Variants in VPS26C observed in about 807,000 individuals in gnomAD.
The protein encoded by VPS26C is VPS26 endosomal protein sorting factor C, also known as vacuolar protein sorting-associated protein 26C.
In VPS26C, 19 loss-of-function variants were observed where a neutral mutation model predicts 30.6. The ratio of observed to expected loss-of-function variants is 0.62; its 90% CI spans 0.43 to 0.91. The LOEUF (loss-of-function observed/expected upper bound fraction) is 0.91, where lower values mean the gene tolerates loss of function less well. Ranked by LOEUF, VPS26C falls within the 40% of genes least tolerant of loss-of-function variation. The pLI, the probability that VPS26C is intolerant of heterozygous loss-of-function variation, is 0.00. For synonymous variants in VPS26C, 132 were observed against 151.5 expected (o/e 0.87, Z 0.95); for missense variants, 318 against 385.1 (o/e 0.83, Z 1.46).
chr21:37,258,034 G>A (rs917695120), intron 1 of VPS26C, among the ~76,000 whole-genome samples: 2 of 152,222 alleles, frequency 1.3e-5, no homozygotes, highest in African/African-American at 4.8e-5. Flanking sequence ...CTCGTGAAGA[G>A]ACTAAGCGGC....
At position 37,257,377 on chromosome 21, in the gene VPS26C, C is replaced by T. The variant is rs2086254370; in HGVS notation, c.57+9861G>A. Among the ~76,000 whole-genome samples the T allele has an allele frequency of 6.6e-6, 1 of 152,180 alleles. No homozygotes were observed. The highest frequency in any genetic ancestry group is 6.5e-5 in the Admixed American group (1 of 15,284). On this transcript the variant is annotated intron_variant, in intron 1 of 7. Transcript: ENST00000309117. This position sits in a 1 kb window ranked among gnomAD's most constrained non-coding sequence, Gnocchi z 4.2. Reference sequence around the variant, plus strand: ...TCCCTGTTCGCAGGTGACGTGTGGACCACGCTCTTCCGAAGCGTCTGGCCT... The same window carrying T: ...TCCCTGTTCGCAGGTGACGTGTGGATCACGCTCTTCCGAAGCGTCTGGCCT...
chr21:37,260,599 G>A (rs980404698), intron 1 of VPS26C, among the ~76,000 whole-genome samples: 2 of 152,218 alleles, frequency 1.3e-5, no homozygotes, highest in East Asian at 1.9e-4. Context: ...CAGCAATGCT[G>A]CAAGCTTGGA....
intron 2 of VPS26C, 62 bp downstream of exon 2, chr21:37,240,434 T>C: frequency 1.3e-6 from 2 of 1,589,112 alleles, no homozygotes. Context: ...CCTGAGCCAC[T>C]GCGCCCAGCC....
At chr21:37,258,634 G>C (rs1162616973) in intron 1 of VPS26C, among the ~76,000 whole-genome samples, 1 of 152,208 alleles carries the variant, frequency 6.6e-6, no homozygotes, top group Non-Finnish European at 1.5e-5. Flanking sequence ...GCGACACGGA[G>C]TAGACTCCTA....
intron 2 of VPS26C, among the ~76,000 whole-genome samples, chr21:37,239,517 A>G (rs2086062312): frequency 6.6e-6 from 1 of 152,210 alleles, no homozygotes; most frequent in Non-Finnish European, 1.5e-5. Flanking sequence ...CAACAGTAGC[A>G]TAGACACAGC....
intron 1 of VPS26C, among the ~76,000 whole-genome samples, chr21:37,251,524 A>AG (rs2086193762): frequency 6.6e-6 from 1 of 152,190 alleles, no homozygotes; most frequent in Non-Finnish European, 1.5e-5. Flanking sequence ...AAAAAGAGGA[A>AG]GAAAAAGCAC....
chr21:37,235,263 G>A (rs909650502), intron 3 of VPS26C, among the ~76,000 whole-genome samples: 1 of 152,132 alleles, frequency 6.6e-6, no homozygotes. Context: ...CTTCCAAAGT[G>A]CTGGGATTAC....
chr21:37,265,111 G>A (rs768166091), intron 1 of VPS26C, among the ~76,000 whole-genome samples: 1 of 152,198 alleles, frequency 6.6e-6, no homozygotes, highest in Non-Finnish European at 1.5e-5. Context: ...GTCAATTTGT[G>A]ACTGCCAGGG....
At chr21:37,245,359 C>T (rs1256423075) in intron 1 of VPS26C, among the ~76,000 whole-genome samples, 1 of 152,186 alleles carries the variant, frequency 6.6e-6, no homozygotes, top group Non-Finnish European at 1.5e-5. Flanking sequence ...ATGGGGCCCT[C>T]TGCTCCCTCG....
At chr21:37,258,206 G>A (rs2086265078) in intron 1 of VPS26C, among the ~76,000 whole-genome samples, 1 of 152,234 alleles carries the variant, frequency 6.6e-6, no homozygotes, top group Non-Finnish European at 1.5e-5. Flanking sequence ...CCCGGCGTCC[G>A]GCAGCAGCAC....
intron 3 of VPS26C, among the ~76,000 whole-genome samples, chr21:37,235,806 AC>A (rs1414870629): frequency 2.7e-5 from 4 of 150,080 alleles, no homozygotes; most frequent in African/African-American, 9.8e-5. Context: ...GGAATATAAT[AC>A]TGGCATTTGA....
chr21:37,234,086 C>T (rs375410065), intron 3 of VPS26C, among the ~76,000 whole-genome samples: 34 of 152,350 alleles, frequency 2.2e-4, no homozygotes, highest in African/African-American at 8.2e-4. Flanking sequence ...TAGCACTGCC[C>T]TGGGCACCAG....
intron 1 of VPS26C, among the ~76,000 whole-genome samples, chr21:37,243,051 C>T (rs2086103498): frequency 1.3e-5 from 2 of 152,128 alleles, no homozygotes; most frequent in Non-Finnish European, 2.9e-5. Context: ...GATTTAGAAA[C>T]AGGAGACGGT....
chr21:37,238,393 GA>G, intron 3 of VPS26C, 66 bp downstream of exon 3: 1 of 1,560,908 alleles, frequency 6.4e-7, no homozygotes, highest in Non-Finnish European at 8.7e-7. Flanking sequence ...AACGTTGAGA[GA>G]AAGACCACAC....
chr21:37,261,065 G>A (rs2086298931), intron 1 of VPS26C: 1 of 152,114 alleles, frequency 6.6e-6, no homozygotes, highest in African/African-American at 2.4e-5. Flanking sequence ...GTACTGCCAG[G>A]CCCAGGAATA....
Position 37,233,566 on chromosome 21 carries a change from T to C in VPS26C, c.352-124A>G, listed in dbSNP as rs1481248282. 1 of 671,352 alleles carries C rather than the reference T, an allele frequency of 1.5e-6. No homozygotes were observed. The highest frequency in any genetic ancestry group is 2.7e-5 in the East Asian group (1 of 36,820). The allele number at this position is 671,352 out of a possible 1,614,324, so 41.6% of individuals were successfully genotyped here. On this transcript the variant is annotated intron_variant, in intron 3 of 7. Transcript: ENST00000309117. This position sits in a 1 kb window ranked among gnomAD's most constrained non-coding sequence, Gnocchi z 5.2. ...GAAATGTTGTACAATCAGTGCATTA[T>C]AGAAAATTAACATACATAATATAAT...
chr21:37,245,619 T>C (rs1003692837), intron 1 of VPS26C, among the ~76,000 whole-genome samples: 3 of 152,228 alleles, frequency 2.0e-5, no homozygotes, highest in African/African-American at 7.2e-5. Flanking sequence ...TTATTTATTG[T>C]CTGTCTCCTG....
Position 37,240,611 on chromosome 21 carries a change from G to A in VPS26C, c.86C>T (p.Ser29Leu), listed in dbSNP as rs375155829. Residue 29 changes from serine (S) to leucine (L), a missense_variant, in exon 2 of 8, where the codon TCG becomes TTG. Ser to Leu is a moderately radical substitution (Grantham distance 145). Transcript: ENST00000309117. Reference protein sequence around the residue: ...GEVLSGVVVISSKDSVQHQGV... With the variant: ...GEVLSGVVVILSKDSVQHQGV... ...CTGGTGTTGGACTGAATCCTTACTC[G>A]ATATGACCACCACGCCAGAGAGCAC... 3.3e-5 allele frequency: 53 copies of A among 1,613,994 alleles called. No homozygotes were observed. The African/African-American group carries it at 5.5e-4, about 17-fold the overall frequency.
At position 37,233,176 on chromosome 21, in the gene VPS26C, G is replaced by A. The variant is rs1227403524; in HGVS notation, c.432+186C>T. ...CGCGGCCTCAGCTGGGGGACTCTGG[G>A]CCCAGGACAATGATGCACACGTGAT... is the stretch of plus-strand genomic sequence containing the variant. On this transcript the variant is annotated intron_variant, in intron 4 of 7. Transcript: ENST00000309117. This position sits in a 1 kb window ranked among gnomAD's most constrained non-coding sequence, Gnocchi z 5.2. 8 of 578,072 alleles carry A rather than the reference G, an allele frequency of 1.4e-5. No individual in the cohort carries two copies. The highest frequency in any genetic ancestry group is 2.2e-5 in the Non-Finnish European group (7 of 322,890). 35.8% of individuals were successfully genotyped at this position (578,072 alleles called of 1,614,324 possible).
Sources: allele counts gnomAD v4.1 joint callset (sites outside exome capture counted in the v4.1 genomes callset), GRCh38; gene constraint gnomAD v4.1.1; non-coding constraint Gnocchi (gnomAD v3.1); transcripts MANE v1.5; gene names NCBI Gene and HGNC (gene_info 2026-07-23, HGNC 2026-07-21).